GPC3: variants seen among roughly 807,000 people sequenced by gnomAD.
GPC3 encodes glypican-3.
In GPC3, 3 loss-of-function variants were observed where a neutral mutation model predicts 34.4. The observed-to-expected ratio is 0.09, with a 90% CI of 0.04 to 0.23. The LOEUF is 0.23. Among genes scored for constraint, GPC3 ranks in the 10% least tolerant of loss-of-function variants. The pLI is 1.00. For missense variants in GPC3, 351 were observed against 445.6 expected (o/e 0.79, Z 1.91); for synonymous variants, 177 against 174.0 (o/e 1.02, Z -0.13).
chrX:133,711,920 T>C (rs370309915), intron 3 of GPC3, among the ~76,000 whole-genome samples: 21 of 112,233 alleles, frequency 1.9e-4, no homozygotes, highest in African/African-American at 5.5e-4. Flanking sequence ...TATTTGGAAA[T>C]CTAGAAGTTT....
chrX:133,655,315 G>A (rs1359749231), intron 6 of GPC3, among the ~76,000 whole-genome samples: 2 of 111,142 alleles, frequency 1.8e-5, no homozygotes, highest in African/African-American at 6.5e-5. Context: ...ATCCGTTTTG[G>A]AATATATCAG....
intron 2 of GPC3, among the ~76,000 whole-genome samples, chrX:133,773,196 C>T (rs905799916): frequency 9.0e-6 from 1 of 111,116 alleles, no homozygotes; most frequent in East Asian, 2.8e-4. Flanking sequence ...GGATTACAGG[C>T]GCCTGCCACC....
chrX:133,931,739 A>G (rs1264379), intron 2 of GPC3, among the ~76,000 whole-genome samples: 15,970 of 111,578 alleles, frequency 0.14, 1,140 homozygotes, highest in East Asian at 0.43. Context: ...ACTAAGGACT[A>G]AGCCCTAAAT....
intron 2 of GPC3, among the ~76,000 whole-genome samples, chrX:133,948,170 A>T (rs1207703878): frequency 1.8e-5 from 2 of 111,599 alleles, no homozygotes; most frequent in African/African-American, 6.5e-5. Context: ...GTTTATCAAC[A>T]TTCAAGCAAT....
intron 7 of GPC3, among the ~76,000 whole-genome samples, chrX:133,549,908 TTCTC>T (rs753032872): frequency 3.0e-5 from 3 of 100,234 alleles, no homozygotes; most frequent in South Asian, 5.3e-4. Context: ...TTCTATCCTT[TTCTC>T]TCTCTCTCCC....
In GPC3 at chrX:133,739,095, G is replaced by GA. The variant is rs1185400632; in HGVS notation, c.1032+14386dup. ...TTTATCACAGGTAGGTATGTATAGG[G>GA]AAAAAAAACCCACAGTATATATAGG... On this transcript the variant is annotated intron_variant, in intron 3 of 7. Transcript: ENST00000370818. Among the ~76,000 whole-genome samples the GA allele has an allele frequency of 6.3e-5, 7 of 110,370 alleles. No individual in the cohort carries two copies. In the South Asian group the frequency reaches 1.2e-3, roughly 19 times the overall value.
At chrX:133,969,438 T>C (rs1461980706) in intron 1 of GPC3, among the ~76,000 whole-genome samples, 2 of 112,080 alleles carry the variant, frequency 1.8e-5, no homozygotes, top group Admixed American at 9.4e-5. Flanking sequence ...TTTATGTAAA[T>C]AGGATTTTCA....
chrX:133,545,752 G>A (rs2124269672), intron 7 of GPC3, among the ~76,000 whole-genome samples: 1 of 111,494 alleles, frequency 9.0e-6, no homozygotes, highest in Non-Finnish European at 1.9e-5. Context: ...TGTCATTGAT[G>A]CATAAACAAC....
chrX:133,699,560 A>G lies in GPC3; in HGVS notation c.1166+335T>C, dbSNP rs771355402. Among the ~76,000 whole-genome samples the G allele has an allele frequency of 7.1e-5, 8 of 112,150 alleles. No homozygotes were observed. In the East Asian group the frequency reaches 2.2e-3, roughly 31 times the overall value. ...AATTTAACTCTGACTCACTGTTAATAATGGGAAAAGCTACAAAGCAAGCCA... is the reference window on the plus strand; with the variant it reads ...AATTTAACTCTGACTCACTGTTAATGATGGGAAAAGCTACAAAGCAAGCCA... On this transcript the variant is annotated intron_variant, in intron 4 of 7. Transcript: ENST00000370818.
intron 2 of GPC3, among the ~76,000 whole-genome samples, chrX:133,852,490 T>C (rs995604035): frequency 1.8e-5 from 2 of 112,477 alleles, no homozygotes; most frequent in Non-Finnish European, 3.7e-5. Context: ...ATTTCCTCAT[T>C]CTTGGGGAAC....
intron 2 of GPC3, among the ~76,000 whole-genome samples, chrX:133,927,884 T>C (rs1035751307): frequency 3.7e-5 from 4 of 107,488 alleles, no homozygotes; most frequent in African/African-American, 1.3e-4. Flanking sequence ...ATATTATATA[T>C]ATATATTTAC....
At chrX:133,850,529 G>A (rs1261376462) in intron 2 of GPC3, among the ~76,000 whole-genome samples, 1 of 111,038 alleles carries the variant, frequency 9.0e-6, no homozygotes, top group Admixed American at 9.6e-5. Context: ...GCCAGCCTTG[G>A]TCAGAAACTT....
intron 2 of GPC3, among the ~76,000 whole-genome samples, chrX:133,882,161 T>A (rs1340247083): frequency 3.6e-5 from 4 of 111,910 alleles, no homozygotes; most frequent in African/African-American, 1.3e-4. Context: ...TCCCCCACAA[T>A]GATTCCAGCG....
chrX:133,715,618 A>T (rs1331875568), intron 3 of GPC3, among the ~76,000 whole-genome samples: 1 of 96,958 alleles, frequency 1.0e-5, no homozygotes, highest in Non-Finnish European at 2.0e-5. Context: ...TCACCTGTGC[A>T]AAAGCCTTTT....
chrX:133,970,374 C>A (rs1385142825), intron 1 of GPC3, among the ~76,000 whole-genome samples: 1 of 111,290 alleles, frequency 9.0e-6, no homozygotes, highest in Non-Finnish European at 1.9e-5. Context: ...TATTTCCTAG[C>A]CAGGACCCAG....
At chrX:133,951,102 A>G (rs1285951135) in intron 2 of GPC3, among the ~76,000 whole-genome samples, 1 of 98,762 alleles carries the variant, frequency 1.0e-5, no homozygotes, top group Non-Finnish European at 2.1e-5. Context: ...GTGAAGTGAA[A>G]GAGAGACAGA....
At chrX:133,731,416 G>C (rs2071461436) in intron 3 of GPC3, among the ~76,000 whole-genome samples, 1 of 112,676 alleles carries the variant, frequency 8.9e-6, no homozygotes, top group Admixed American at 9.4e-5. Context: ...CAAACTTCTT[G>C]AAGTATTTAC....
At chrX:133,834,694 A>G (rs113666912) in intron 2 of GPC3, among the ~76,000 whole-genome samples, 9 of 112,225 alleles carry the variant, frequency 8.0e-5, no homozygotes, top group African/African-American at 2.9e-4. Flanking sequence ...TCAGCCTCCA[A>G]AGAAATGTCT....
intron 1 of GPC3, among the ~76,000 whole-genome samples, chrX:133,980,264 G>A (rs190693121): frequency 1.7e-3 from 193 of 112,201 alleles, no homozygotes; most frequent in Middle Eastern, 4.6e-3. Context: ...GCCTGCATCT[G>A]TCTCCAGCCA....
Sources: gnomAD v4.1 joint callset for allele counts (sites outside exome capture counted in the v4.1 genomes callset) on GRCh38, gnomAD v4.1.1 for gene constraint, MANE v1.5 for transcripts, NCBI Gene and HGNC (gene_info 2026-07-23, HGNC 2026-07-21) for gene names.